TRMT9B: variants seen among roughly 807,000 people sequenced by gnomAD.
TRMT9B encodes probable tRNA methyltransferase 9B.
TRMT9B carries 16 observed loss-of-function variants against 11.5 expected under a neutral mutation model. The observed-to-expected ratio is 1.39, with a 90% CI of 0.94 to 2.11. The LOEUF (loss-of-function observed/expected upper bound fraction) is 2.11. TRMT9B is among the 30% of genes most tolerant of loss of function. TRMT9B has a pLI of 0.00. For synonymous variants in TRMT9B, 274 were observed against 192.4 expected (o/e 1.42, Z -3.51); for missense variants, 941 against 553.8 (o/e 1.70, Z -7.02).
Position 13,012,680 on chromosome 8 carries a change from A to C in TRMT9B, c.155-4A>C. 6.2e-7 allele frequency: 1 copy of C among 1,610,560 alleles called. No homozygotes were observed. Among genetic ancestry groups the C allele is most frequent in the Non-Finnish European group, 8.5e-7 (1 of 1,178,244 alleles). ...AGCATGTAACGCAGGTTTTTCTCTT[A>C]TAGGTTGTGGGACTGGAAAATATCT... On this transcript the variant is annotated splice_region_variant and splice_polypyrimidine_tract_variant and intron_variant, in intron 3 of 4. Transcript: ENST00000524591.
Position 13,021,796 on chromosome 8 carries a change from A to G in TRMT9B, c.1117A>G (p.Ser373Gly). Residue 373 changes from serine (S) to glycine (G), a missense_variant, in exon 5 of 5, where the codon AGT (serine) becomes GGT (glycine). Coordinates refer to ENST00000524591, the MANE Select transcript of TRMT9B (RefSeq NM_020844.3). ...GNIEDDNPSA[S>G]KILRRISAVD... ...CATAGAAGATGATAATCCTTCTGCT[A>G]GTAAAATATTGAGAAGGATTTCTGC... 1 of 1,613,830 alleles carries G rather than the reference A, an allele frequency of 6.2e-7. No homozygotes were observed. Among genetic ancestry groups the G allele is most frequent in the Non-Finnish European group, 8.5e-7 (1 of 1,179,774 alleles).
At chr8:13,002,152 A>T (rs1809557332) in intron 2 of TRMT9B, among the ~76,000 whole-genome samples, 1 of 152,212 alleles carries the variant, frequency 6.6e-6, no homozygotes, top group Non-Finnish European at 1.5e-5. Context: ...AGGCCATAGA[A>T]AACTTAGGGG....
chr8:13,007,058 T>C (rs897404981), intron 3 of TRMT9B: 1 of 152,250 alleles, frequency 6.6e-6, no homozygotes, highest in Non-Finnish European at 1.5e-5. Flanking sequence ...TAAATCAGGA[T>C]GGAAATGATG....
intron 1 of TRMT9B, among the ~76,000 whole-genome samples, chr8:12,950,244 T>C (rs915423478): frequency 2.6e-5 from 4 of 152,226 alleles, no homozygotes; most frequent in Admixed American, 2.0e-4. Flanking sequence ...ATTTCCCTTA[T>C]GTTTTCCTAC....
At chr8:13,015,374 G>C (rs1046531338) in intron 4 of TRMT9B, among the ~76,000 whole-genome samples, 1 of 152,030 alleles carries the variant, frequency 6.6e-6, no homozygotes, top group Non-Finnish European at 1.5e-5. Context: ...TTAGCGTAAA[G>C]TGAGACCAAT....
Position 13,006,369 on chromosome 8 carries a change from C to T in TRMT9B, c.154+13C>T, listed in dbSNP as rs755323723. On this transcript the variant is annotated intron_variant, in intron 3 of 4. Coordinates refer to ENST00000524591, the MANE Select transcript of TRMT9B (RefSeq NM_020844.3). ...ATCGCTGACATAGGTAACCAGGCAG[C>T]CTCATCGCTGACATAGGTAACCAGG... 6.2e-7 allele frequency: 1 copy of T among 1,601,072 alleles called. No individual in the cohort carries two copies. Among genetic ancestry groups the T allele is most frequent in the East Asian group, 2.2e-5 (1 of 44,556 alleles).
chr8:12,990,226 A>C (rs979991086), intron 1 of TRMT9B, among the ~76,000 whole-genome samples: 2 of 152,184 alleles, frequency 1.3e-5, no homozygotes, highest in Non-Finnish European at 2.9e-5. Flanking sequence ...TTAGGGTCCA[A>C]GGTGTTATAG....
rs1390866338 is a variant in TRMT9B, at chr8:13,028,027, TGA to T, written c.*5987_*5988del. On this transcript the variant is annotated 3_prime_UTR_variant, in exon 5 of 5. Transcript: ENST00000524591. Reference sequence around the variant, plus strand: ...GTATTGCAAATGAAAGAGCTCAGCATGAGAGCACAATCAGAAACTGAAGAGAG... The same window carrying T: ...GTATTGCAAATGAAAGAGCTCAGCATGAGCACAATCAGAAACTGAAGAGAG... 12 of 167,054 alleles carry T rather than the reference TGA, an allele frequency of 7.2e-5. No individual in the cohort carries two copies. The highest frequency in any genetic ancestry group is 3.4e-3 in the Middle Eastern group (1 of 296). The allele number at this position is 167,054 out of a possible 1,614,324, so 10.3% of individuals were successfully genotyped here. A position where few individuals can be genotyped will look rare whatever the true frequency, so the allele number is the denominator to read the frequency against.
intron 1 of TRMT9B, among the ~76,000 whole-genome samples, chr8:12,981,464 G>T (rs540407127): frequency 1.9e-4 from 29 of 152,220 alleles, no homozygotes; most frequent in African/African-American, 6.7e-4. Context: ...TGACACAGAG[G>T]GTGACTTTTA....
At chr8:12,986,799 G>T (rs776010625) in intron 1 of TRMT9B, among the ~76,000 whole-genome samples, 6 of 152,014 alleles carry the variant, frequency 3.9e-5, no homozygotes, top group Non-Finnish European at 5.9e-5. Context: ...TATTAATTTG[G>T]TTCTTTCTCC....
chr8:12,978,514 TAGATGA>T (rs1804813633), intron 1 of TRMT9B, among the ~76,000 whole-genome samples: 2 of 12,012 alleles, frequency 1.7e-4, no homozygotes, highest in Non-Finnish European at 3.5e-4. Context: ...AGATGATAGA[TAGATGA>T]TAGATAGATA....
chr8:12,990,305 C>T (rs1173712700), intron 1 of TRMT9B, among the ~76,000 whole-genome samples: 1 of 152,132 alleles, frequency 6.6e-6, no homozygotes, highest in African/African-American at 2.4e-5. Context: ...CTCTATATTA[C>T]AAAGTGGTTT....
At chr8:12,967,007 C>T (rs1033726237) in intron 1 of TRMT9B, among the ~76,000 whole-genome samples, 4 of 152,152 alleles carry the variant, frequency 2.6e-5, no homozygotes, top group African/African-American at 9.7e-5. Flanking sequence ...TCCTTACAGA[C>T]ACCGACGGTG....
At chr8:13,008,507 T>A (rs1239024450) in intron 3 of TRMT9B, among the ~76,000 whole-genome samples, 1 of 152,218 alleles carries the variant, frequency 6.6e-6, no homozygotes. Flanking sequence ...TGCAAGGCTG[T>A]AGTATTGACG....
intron 4 of TRMT9B, among the ~76,000 whole-genome samples, chr8:13,018,890 A>G (rs1263385696): frequency 6.6e-6 from 1 of 152,246 alleles, no homozygotes; most frequent in African/African-American, 2.4e-5. Flanking sequence ...TTCAAATAGC[A>G]AAATCACCAA....
intron 2 of TRMT9B, among the ~76,000 whole-genome samples, chr8:13,004,358 C>G (rs1380091912): frequency 6.6e-6 from 1 of 151,776 alleles, no homozygotes; most frequent in East Asian, 2.0e-4. Flanking sequence ...AGTGCTTGCA[C>G]CACCCCGCTC....
At chr8:12,968,803 G>T (rs1803177010) in intron 1 of TRMT9B, among the ~76,000 whole-genome samples, 1 of 152,144 alleles carries the variant, frequency 6.6e-6, no homozygotes, top group African/African-American at 2.4e-5. Flanking sequence ...TGGGTAGAGA[G>T]CCATGCTGTT....
Position 13,011,610 on chromosome 8 carries a change from TG to T in TRMT9B, c.155-1072del, listed in dbSNP as rs149276860. The T allele has an allele frequency of 3.7e-3, 3,579 of 958,108 alleles. 99 individuals carry two copies. In the African/African-American group the frequency reaches 0.057, roughly 15 times the overall value. 59.4% of individuals were successfully genotyped at this position (958,108 alleles called of 1,614,324 possible). A position where few individuals can be genotyped will look rare whatever the true frequency, so the allele number is the denominator to read the frequency against. ...GACTGTAGAAGGCTTTGTTTCAAGG[TG>T]GTTTATTCATTCATGTTACTACCTA... On this transcript the variant is annotated intron_variant, in intron 3 of 4. Transcript: ENST00000524591.
At chr8:13,013,997 GA>G (rs922893969) in intron 4 of TRMT9B, among the ~76,000 whole-genome samples, 24 of 152,240 alleles carry the variant, frequency 1.6e-4, no homozygotes, top group African/African-American at 5.3e-4. Flanking sequence ...TTTTATCCAA[GA>G]AAGATGATCT....
Sources: allele counts gnomAD v4.1 joint callset (sites outside exome capture counted in the v4.1 genomes callset), GRCh38; gene constraint gnomAD v4.1.1; transcripts MANE v1.5; gene names NCBI Gene and HGNC (gene_info 2026-07-23, HGNC 2026-07-21).